Variants in NCKAP1 observed in about 807,000 individuals in gnomAD.
NCKAP1 encodes NCK associated protein 1.
NCKAP1 carries 21 observed loss-of-function variants against 151.2 expected under a neutral mutation model. That is an observed-to-expected ratio of 0.14 (90% CI 0.10 to 0.20). The LOEUF (loss-of-function observed/expected upper bound fraction) is 0.20. Ranked by LOEUF, NCKAP1 falls within the 10% of genes least tolerant of loss-of-function variation. The pLI, the probability that NCKAP1 is intolerant of heterozygous loss-of-function variation, is 1.00. For missense variants in NCKAP1, 933 were observed against 1,352.1 expected (o/e 0.69, Z 4.86); for synonymous variants, 484 against 451.8 (o/e 1.07, Z -0.90).
At chr2:183,025,996 C>G (rs1205468518) in intron 1 of NCKAP1, among the ~76,000 whole-genome samples, 3 of 152,186 alleles carry the variant, frequency 2.0e-5, no homozygotes, top group African/African-American at 7.2e-5. Flanking sequence ...CCATTTCCCA[C>G]AACCACAAAT....
At chr2:182,946,396 GT>G (rs1697106045) in intron 23 of NCKAP1, among the ~76,000 whole-genome samples, 1 of 149,224 alleles carries the variant, frequency 6.7e-6, no homozygotes, top group Non-Finnish European at 1.5e-5. Context: ...GCGAGACTCT[GT>G]TTACAAAAAA....
intron 2 of NCKAP1, 39 bp downstream of exon 2, chr2:183,023,767 T>C (rs371831526): frequency 1.7e-4 from 253 of 1,488,062 alleles, no homozygotes; most frequent in Non-Finnish European, 5.0e-5. Context: ...CTCTAAAAGA[T>C]GCTTAAAATT....
chr2:183,038,064 C>G lies in NCKAP1; in HGVS notation c.36G>C (p.Lys12Asn), dbSNP rs755525628. ...SRSVLQPSQQ[K>N]LAEKLTILND... is the part of the protein sequence containing the mutation. ...TGAGGATGGTGAGCTTCTCCGCCAG[C>G]TTCTGCTGACTGGGCTGCAGCACTG... The change falls in exon 1 of 31, where the codon AAG becomes AAC. Residue 12 changes from lysine to asparagine, a missense_variant. Around this residue, in one of 2 missense-constraint regions of NCKAP1, gnomAD observed 607 missense variants for 795.0 expected, o/e 0.76. Coordinates refer to ENST00000361354, the MANE Select transcript of NCKAP1 (RefSeq NM_013436.5). 1.3e-6 allele frequency: 2 copies of G among 1,588,076 alleles called. No individual in the cohort carries two copies. Among genetic ancestry groups the G allele is most frequent in the Non-Finnish European group, 1.7e-6 (2 of 1,174,204 alleles).
intron 2 of NCKAP1, among the ~76,000 whole-genome samples, chr2:183,013,877 G>C (rs1170637440): frequency 6.6e-6 from 1 of 152,110 alleles, no homozygotes; most frequent in African/African-American, 2.4e-5. Context: ...ACCCACCTGA[G>C]CCTTTGGAGC....
intron 6 of NCKAP1, among the ~76,000 whole-genome samples, chr2:182,998,574 A>T (rs1280813695): frequency 6.6e-6 from 1 of 152,088 alleles, no homozygotes; most frequent in Non-Finnish European, 1.5e-5. Flanking sequence ...TCATACCTAT[A>T]ATCTCAGCAC....
rs1338271846 is a variant in NCKAP1 at position 182,916,191 on chromosome 2, AC to A, written c.*9510del. ...TGTCAAAAAAAAAAAAAAAAAAAAA[AC>A]ATGTCTCTGTGTCATCACTGAGCTG... On this transcript the variant is annotated 3_prime_UTR_variant, in exon 31 of 31. Coordinates refer to ENST00000361354, the MANE Select transcript of NCKAP1 (RefSeq NM_013436.5). The A allele has an allele frequency of 2.0e-5, 3 of 150,616 alleles. No individual in the cohort carries two copies. The highest frequency in any genetic ancestry group is 4.9e-5 in the African/African-American group (2 of 40,790). 9.3% of individuals were successfully genotyped at this position (150,616 alleles called of 1,614,324 possible). A position where few individuals can be genotyped will look rare whatever the true frequency, so the allele number is the denominator to read the frequency against.
At chr2:182,966,470 AG>A (rs1445132523) in intron 16 of NCKAP1, among the ~76,000 whole-genome samples, 1 of 152,134 alleles carries the variant, frequency 6.6e-6, no homozygotes, top group East Asian at 1.9e-4. Flanking sequence ...TATTTTCAGT[AG>A]AGATGGGGTT....
chr2:182,989,665 T>C (rs923890434), intron 8 of NCKAP1, among the ~76,000 whole-genome samples: 7 of 152,066 alleles, frequency 4.6e-5, no homozygotes, highest in Non-Finnish European at 8.8e-5. Flanking sequence ...TGAGTCGAGG[T>C]TGCGCCACTG....
At chr2:182,965,121 T>C (rs1199215286) in intron 16 of NCKAP1, among the ~76,000 whole-genome samples, 1 of 152,110 alleles carries the variant, frequency 6.6e-6, no homozygotes, top group African/African-American at 2.4e-5. Flanking sequence ...CTGGGTGTGG[T>C]GGCTCACACC....
At chr2:182,959,813 G>T (rs1264172158) in intron 18 of NCKAP1, among the ~76,000 whole-genome samples, 2 of 152,050 alleles carry the variant, frequency 1.3e-5, no homozygotes, top group Non-Finnish European at 2.9e-5. Flanking sequence ...TGTTTGCAGG[G>T]GACATGATTG....
chr2:182,993,420 A>G (rs1368941237), intron 8 of NCKAP1, among the ~76,000 whole-genome samples: 1 of 152,178 alleles, frequency 6.6e-6, no homozygotes, highest in African/African-American at 2.4e-5. Flanking sequence ...GAATGAAAAA[A>G]CACAAACACT....
In NCKAP1 at chr2:182,910,076, CAG is replaced by C. The variant is rs1696363059; in HGVS notation, c.*15624_*15625del. The C allele has an allele frequency of 6.6e-6, 1 of 152,212 alleles. No individual in the cohort carries two copies. Among genetic ancestry groups the C allele is most frequent in the South Asian group, 2.1e-4 (1 of 4,828 alleles). The allele number at this position is 152,212 out of a possible 1,614,324, so 9.4% of individuals were successfully genotyped here. ...GCTGAGCCCTAGAGTTAAGGAGAAA[CAG>C]TGGTTTCTGCAAAGCTGTGGTAGCT... On this transcript the variant is annotated 3_prime_UTR_variant, in exon 31 of 31. Transcript: ENST00000361354.
intron 1 of NCKAP1, among the ~76,000 whole-genome samples, chr2:183,032,125 A>G (rs1446424743): frequency 6.6e-6 from 1 of 152,190 alleles, no homozygotes; most frequent in Non-Finnish European, 1.5e-5. Context: ...ACCTTCCAAG[A>G]GGATTCTATT....
intron 26 of NCKAP1, 174 bp downstream of exon 26, chr2:182,934,578 G>C (rs1001458873): frequency 2.8e-5 from 14 of 497,176 alleles, no homozygotes; most frequent in African/African-American, 6.0e-5. Flanking sequence ...AAATGCCTAG[G>C]TAGTATTTTG....
rs1696567908 is a variant in NCKAP1 at position 182,922,471 on chromosome 2, C to T, written c.*3231G>A. On this transcript the variant is annotated 3_prime_UTR_variant, in exon 31 of 31. Coordinates refer to ENST00000361354, the MANE Select transcript of NCKAP1 (RefSeq NM_013436.5). Reference sequence around the variant, plus strand: ...ATAAGGCTCCTAGAGGGAACTTGAGCACTCCTCATGACAGAGACACAGATG... The same window carrying T: ...ATAAGGCTCCTAGAGGGAACTTGAGTACTCCTCATGACAGAGACACAGATG... 1.3e-5 allele frequency: 2 copies of T among 152,166 alleles called. No individual in the cohort carries two copies. The highest frequency in any genetic ancestry group is 4.2e-4 in the South Asian group (2 of 4,816). The allele number at this position is 152,166 out of a possible 1,614,324, so 9.4% of individuals were successfully genotyped here. A position where few individuals can be genotyped will look rare whatever the true frequency, so the allele number is the denominator to read the frequency against.
chr2:182,934,952 T>C, intron 25 of NCKAP1, 120 bp from the exon 26 acceptor site: 1 of 576,280 alleles, frequency 1.7e-6, no homozygotes, highest in East Asian at 3.1e-5. Context: ...TTATCTACTT[T>C]CAGTGATTTT....
intron 23 of NCKAP1, among the ~76,000 whole-genome samples, chr2:182,942,672 T>C (rs1697021058): frequency 6.6e-6 from 1 of 151,752 alleles, no homozygotes. Flanking sequence ...ACAAAAATTA[T>C]AAAATGGAAG....
At chr2:183,032,068 T>C (rs1236120683) in intron 1 of NCKAP1, among the ~76,000 whole-genome samples, 1 of 152,184 alleles carries the variant, frequency 6.6e-6, no homozygotes, top group Non-Finnish European at 1.5e-5. Flanking sequence ...TTTTTTTCTG[T>C]TCAAGTTAAG....
At chr2:182,928,087 T>G (rs1696684860) in intron 29 of NCKAP1, 30 bp downstream of exon 29, 1 of 1,439,246 alleles carries the variant, frequency 6.9e-7, no homozygotes, top group Non-Finnish European at 9.6e-7. Context: ...TTATAAAATG[T>G]GATGAGTTTT....
Sources: allele counts gnomAD v4.1 joint callset (sites outside exome capture counted in the v4.1 genomes callset), GRCh38; gene constraint gnomAD v4.1.1; regional missense constraint gnomAD v4.1.1; transcripts MANE v1.5; gene names NCBI Gene and HGNC (gene_info 2026-07-23, HGNC 2026-07-21).